PCDHGB3: variants seen among roughly 807,000 people sequenced by gnomAD.
PCDHGB3 encodes the protein protocadherin gamma-B3.
Under a neutral mutation model 59.2 loss-of-function variants are expected in PCDHGB3, and 40 were observed. The ratio of observed to expected loss-of-function variants is 0.68; its 90% CI spans 0.52 to 0.88. The LOEUF is 0.88. PCDHGB3 is among the 40% of genes least tolerant of loss of function. The pLI is 0.00. For synonymous variants in PCDHGB3, 581 were observed against 503.6 expected (o/e 1.15, Z -2.06); for missense variants, 1,309 against 1,187.9 (o/e 1.10, Z -1.50).
chr5:141,418,478 G>C (rs777772131), intron 1 of PCDHGB3: 1 of 1,613,976 alleles, frequency 6.2e-7, no homozygotes, highest in Non-Finnish European at 8.5e-7. Context: ...AACGCAGAGC[G>C]CTCACCACTT....
chr5:141,423,053 T>C lies in PCDHGB3; in HGVS notation c.2415+50244T>C, dbSNP rs200154593. 1.4e-4 allele frequency: 219 copies of C among 1,614,170 alleles called. 1 individual carries two copies. The African/African-American group carries it at 2.5e-3, about 18-fold the overall frequency. ...CAGAACGCCTGGCTGTCCTATCGCCTGCTTAAGGCCAGCGAGCCGGGACTC... is the reference window on the plus strand; with the variant it reads ...CAGAACGCCTGGCTGTCCTATCGCCCGCTTAAGGCCAGCGAGCCGGGACTC... On this transcript the variant is annotated intron_variant, in intron 1 of 3. Coordinates refer to ENST00000576222, the MANE Select transcript of PCDHGB3 (RefSeq NM_018924.5).
At chr5:141,453,042 A>G (rs2098754438) in intron 1 of PCDHGB3, among the ~76,000 whole-genome samples, 1 of 152,116 alleles carries the variant, frequency 6.6e-6, no homozygotes, top group Non-Finnish European at 1.5e-5. Context: ...GTTTGTTTCT[A>G]TTATGTGCAG....
Position 141,486,000 on chromosome 5 carries a change from A to G in PCDHGB3, c.2416-8807A>G. 1 of 1,614,194 alleles carries G rather than the reference A, an allele frequency of 6.2e-7. No individual in the cohort carries two copies. Among genetic ancestry groups the G allele is most frequent in the Non-Finnish European group, 8.5e-7 (1 of 1,180,034 alleles). On this transcript the variant is annotated intron_variant, in intron 1 of 3. Transcript: ENST00000576222. The surrounding 1 kb of genome is among the most constrained non-coding windows in gnomAD (Gnocchi z 5.7). ...GACCCGGACCTGGGTCCCAGTGGTA[A>G]CGTCACCTTTTATTTCAGTGGTCAT...
intron 1 of PCDHGB3, chr5:141,471,361 C>T (rs1206745378): frequency 6.6e-6 from 1 of 151,976 alleles, no homozygotes; most frequent in Non-Finnish European, 1.5e-5. Context: ...TCCAAGCCCC[C>T]TATTTTTATT....
rs1444171664 is a variant in PCDHGB3, at chr5:141,477,015, T to G, written c.2416-17792T>G. The G allele has an allele frequency of 1.2e-6, 2 of 1,614,210 alleles. No homozygotes were observed. Among genetic ancestry groups the G allele is most frequent in the Non-Finnish European group, 1.7e-6 (2 of 1,180,038 alleles). On this transcript the variant is annotated intron_variant, in intron 1 of 3. Coordinates refer to ENST00000576222, the MANE Select transcript of PCDHGB3 (RefSeq NM_018924.5). This position sits in a 1 kb window ranked among gnomAD's most constrained non-coding sequence, Gnocchi z 4.9. ...CGGCAACTATTCGCCTTAGACCTTG[T>G]AACCGGGATGCTGACAATCAAGGGT...
At position 141,490,649 on chromosome 5, in the gene PCDHGB3, G is replaced by C. The variant is rs1428223995; in HGVS notation, c.2416-4158G>C. 1 of 1,614,148 alleles carries C rather than the reference G, an allele frequency of 6.2e-7. No homozygotes were observed. Among genetic ancestry groups the C allele is most frequent in the Admixed American group, 1.7e-5 (1 of 60,018 alleles). On this transcript the variant is annotated intron_variant, in intron 1 of 3. Coordinates refer to ENST00000576222, the MANE Select transcript of PCDHGB3 (RefSeq NM_018924.5). The surrounding 1 kb of genome is among the most constrained non-coding windows in gnomAD (Gnocchi z 5.4). ...TACATCCTAGAAAACCGGCCTCCGG[G>C]CTCCCTTCTTTGCACTGTGGCTGCC...
At chr5:141,446,093 GA>G (rs1217618203) in intron 1 of PCDHGB3, among the ~76,000 whole-genome samples, 1 of 152,118 alleles carries the variant, frequency 6.6e-6, no homozygotes, top group Admixed American at 6.5e-5. Flanking sequence ...ATAAATGGAT[GA>G]ATTATAGATA....
At chr5:141,434,691 A>G (rs1263712056) in intron 1 of PCDHGB3, among the ~76,000 whole-genome samples, 2 of 152,150 alleles carry the variant, frequency 1.3e-5, no homozygotes. Flanking sequence ...GCTTGCTGTT[A>G]ATAAATATGT....
Position 141,511,643 on chromosome 5 carries a change from C to T in PCDHGB3, c.*470C>T, listed in dbSNP as rs937995879. ...TGAAAAGTTGGAAGGGCATCATGACCTCTTGGCCTCTCCTTTGATTCTCAA... is the reference window on the plus strand; with the variant it reads ...TGAAAAGTTGGAAGGGCATCATGACTTCTTGGCCTCTCCTTTGATTCTCAA... On this transcript the variant is annotated 3_prime_UTR_variant, in exon 4 of 4. Coordinates refer to ENST00000576222, the MANE Select transcript of PCDHGB3 (RefSeq NM_018924.5). 4 of 218,904 alleles carry T rather than the reference C, an allele frequency of 1.8e-5. No homozygotes were observed. The highest frequency in any genetic ancestry group is 5.2e-5 in the Admixed American group (1 of 19,306). 13.6% of individuals were successfully genotyped at this position (218,904 alleles called of 1,614,324 possible). A position where few individuals can be genotyped will look rare whatever the true frequency, so the allele number is the denominator to read the frequency against.
chr5:141,423,956 A>T, intron 1 of PCDHGB3: 4 of 1,182,724 alleles, frequency 3.4e-6, no homozygotes, highest in Non-Finnish European at 4.2e-6. Context: ...TTTTAGTATT[A>T]TTTTTCTATT....
intron 1 of PCDHGB3, chr5:141,419,370 A>G (rs1460064670): frequency 1.9e-6 from 3 of 1,613,574 alleles, no homozygotes; most frequent in African/African-American, 2.7e-5. Context: ...CTGTCGTCCT[A>G]CGTGTCCGTG....
intron 1 of PCDHGB3, among the ~76,000 whole-genome samples, chr5:141,456,460 C>G (rs1444956833): frequency 6.6e-6 from 1 of 152,002 alleles, no homozygotes; most frequent in East Asian, 1.9e-4. Context: ...AATATCAATA[C>G]AAGACATATA....
At chr5:141,469,259 A>G (rs1263722797) in intron 1 of PCDHGB3, among the ~76,000 whole-genome samples, 1 of 151,822 alleles carries the variant, frequency 6.6e-6, no homozygotes, top group Admixed American at 6.6e-5. Flanking sequence ...CTTGGGCAAC[A>G]GAGCAAGACC....
chr5:141,415,465 A>G (rs751798354), intron 1 of PCDHGB3: 19 of 1,613,976 alleles, frequency 1.2e-5, no homozygotes, highest in Non-Finnish European at 1.5e-5. Context: ...GGTCTCTCTC[A>G]CCGCGGACTC....
At position 141,487,557 on chromosome 5, in the gene PCDHGB3, T is replaced by C. The variant is rs751511771; in HGVS notation, c.2416-7250T>C. On this transcript the variant is annotated intron_variant, in intron 1 of 3. Coordinates refer to ENST00000576222, the MANE Select transcript of PCDHGB3 (RefSeq NM_018924.5). The surrounding 1 kb of genome is among the most constrained non-coding windows in gnomAD (Gnocchi z 5.0). The stretch of plus-strand genomic sequence containing the variant: ...ATGGTGAAGTCACCCAGTGCACCTA[T>C]GGCAGGGGAGCCTGTTCGCCCAAGC... The C allele has an allele frequency of 1.9e-5, 31 of 1,614,060 alleles. No homozygotes were observed. In the East Asian group the frequency reaches 4.2e-4, roughly 22 times the overall value.
At chr5:141,504,959 T>C (rs1297800554) in intron 2 of PCDHGB3, among the ~76,000 whole-genome samples, 2 of 152,038 alleles carry the variant, frequency 1.3e-5, no homozygotes, top group Non-Finnish European at 2.9e-5. Flanking sequence ...GTTCAATGCA[T>C]TGGACCAGCC....
chr5:141,370,656 G>C lies in PCDHGB3; in HGVS notation c.262G>C (p.Asp88His). 1 of 1,613,852 alleles carries C rather than the reference G, an allele frequency of 6.2e-7. No individual in the cohort carries two copies. Among genetic ancestry groups the C allele is most frequent in the South Asian group, 1.1e-5 (1 of 91,064 alleles). The change falls in exon 1 of 4, where the codon GAC (aspartate) becomes CAC (histidine). Residue 88 changes from aspartate (D) to histidine (H), a missense_variant. Asp to His is a moderately conservative substitution (Grantham distance 81). Transcript: ENST00000576222. ...SPENGNLLVS[D>H]RIDREEICGK... ...CGAAAATGGGAACTTACTTGTGAGC[G>C]ACCGTATAGACCGAGAGGAGATTTG...
intron 1 of PCDHGB3, chr5:141,429,265 T>C (rs1297239650): frequency 6.6e-6 from 1 of 152,148 alleles, no homozygotes; most frequent in Non-Finnish European, 1.5e-5. Flanking sequence ...GAGGAATAAA[T>C]TTTTTTCCTG....
At chr5:141,435,644 T>A (rs913195454) in intron 1 of PCDHGB3, among the ~76,000 whole-genome samples, 1 of 152,170 alleles carries the variant, frequency 6.6e-6, no homozygotes, top group Non-Finnish European at 1.5e-5. Flanking sequence ...TGGGAAAATT[T>A]CTGAAACGTG....
Sources: gnomAD v4.1 joint callset for allele counts (sites outside exome capture counted in the v4.1 genomes callset) on GRCh38, gnomAD v4.1.1 for gene constraint, Gnocchi (gnomAD v3.1) non-coding constraint, MANE v1.5 for transcripts, NCBI Gene and HGNC (gene_info 2026-07-23, HGNC 2026-07-21) for gene names.